The following RIMOC1 variants were observed in gnomAD, a reference collection of about 807,000 sequenced individuals.
RIMOC1 encodes the protein RAB7A-interacting MON1-CCZ1 complex subunit 1.
At chr5:41,909,328 A>G in the RIMOC1 span, among the ~76,000 whole-genome samples, 5 of 152,116 alleles carry the variant, frequency 3.3e-5, no homozygotes, top group Non-Finnish European at 7.4e-5. Context: ...CTGGCTCTGT[A>G]TTTGGGAACA....
the RIMOC1 span, among the ~76,000 whole-genome samples, chr5:41,914,495 CAAAA>C: frequency 7.1e-6 from 1 of 140,466 alleles, no homozygotes; most frequent in African/African-American, 2.7e-5. Flanking sequence ...CAAAACAAAA[CAAAA>C]CAAACATAAG....
At chr5:41,918,097 C>G in the RIMOC1 span, 1 of 985,666 alleles carries the variant, frequency 1.0e-6, no homozygotes, top group African/African-American at 1.7e-5. Flanking sequence ...GGCCAGAGAG[C>G]CTAACTTGAT....
the RIMOC1 span, among the ~76,000 whole-genome samples, chr5:41,915,652 A>T: frequency 6.6e-6 from 1 of 152,264 alleles, no homozygotes; most frequent in East Asian, 1.9e-4. Context: ...TGAAAGCGGA[A>T]ACCCCTTATA....
chr5:41,909,892 AG>A, the RIMOC1 span: 1 of 1,570,436 alleles, frequency 6.4e-7, no homozygotes, highest in Non-Finnish European at 8.7e-7. Context: ...TGCATCCAAA[AG>A]TAAGTTTTAC....
chr5:41,909,743 T>C, the RIMOC1 span: 16 of 1,503,340 alleles, frequency 1.1e-5, no homozygotes, highest in South Asian at 2.1e-4. Context: ...TTTTTTTTTT[T>C]AGGCTATTTT....
chr5:41,913,762 C>T, the RIMOC1 span, among the ~76,000 whole-genome samples: 1 of 152,106 alleles, frequency 6.6e-6, no homozygotes, highest in Non-Finnish European at 1.5e-5. Context: ...ATTTAAGTGA[C>T]CTGATGGCCA....
the RIMOC1 span, chr5:41,912,167 T>C: frequency 1.3e-6 from 2 of 1,594,838 alleles, no homozygotes; most frequent in South Asian, 2.2e-5. Context: ...TAGACACAGC[T>C]AAATTACTGA....
At chr5:41,916,370 C>G in the RIMOC1 span, 1 of 878,624 alleles carries the variant, frequency 1.1e-6, no homozygotes, top group Non-Finnish European at 1.4e-6. Context: ...TATATAATTG[C>G]CTACTGGAAA....
At chr5:41,906,083 A>G in the RIMOC1 span, among the ~76,000 whole-genome samples, 1 of 152,354 alleles carries the variant, frequency 6.6e-6, no homozygotes, top group African/African-American at 2.4e-5. Flanking sequence ...TGTAATGAGT[A>G]TATATTTATA....
chr5:41,919,969 A>T, the RIMOC1 span: 13 of 152,206 alleles, frequency 8.5e-5, no homozygotes, highest in Non-Finnish European at 1.3e-4. Context: ...TTAATGAGGC[A>T]TGATTCTAAA....
chr5:41,917,254 G>A, the RIMOC1 span: 25 of 1,611,952 alleles, frequency 1.6e-5, no homozygotes, highest in South Asian at 6.6e-5. Flanking sequence ...GGAATACAAC[G>A]AATGCAAAAC....
chr5:41,909,779 A>G, the RIMOC1 span: 4 of 1,579,182 alleles, frequency 2.5e-6, no homozygotes, highest in Non-Finnish European at 3.4e-6. Flanking sequence ...TGAGGAGAAC[A>G]AGCTAGTAGA....
chr5:41,912,269 A>G, the RIMOC1 span: 1 of 773,232 alleles, frequency 1.3e-6, no homozygotes, highest in South Asian at 1.6e-5. Context: ...TCTGATTTAA[A>G]TAAATGTCAA....
At chr5:41,904,681 T>C in the RIMOC1 span, among the ~76,000 whole-genome samples, 2 of 152,100 alleles carry the variant, frequency 1.3e-5, no homozygotes, top group Non-Finnish European at 2.9e-5. Context: ...GAAAACCGCA[T>C]TATTCAGAAC....
chr5:41,921,022 T>C, the RIMOC1 span: 3 of 152,638 alleles, frequency 2.0e-5, no homozygotes, highest in East Asian at 5.8e-4. Flanking sequence ...CTTTTAGACT[T>C]AGTTAAAGAC....
the RIMOC1 span, among the ~76,000 whole-genome samples, chr5:41,909,167 A>AAT: frequency 6.6e-6 from 1 of 152,166 alleles, no homozygotes; most frequent in African/African-American, 2.4e-5. Context: ...GTCTTAGTTC[A>AAT]ATAGATTAAA....
At chr5:41,917,119 G>A in the RIMOC1 span, 1 of 1,613,692 alleles carries the variant, frequency 6.2e-7, no homozygotes, top group Admixed American at 1.7e-5. Context: ...ATCATGAAGT[G>A]GATACTAGTG....
chr5:41,907,846 C>G, the RIMOC1 span: 2 of 1,576,824 alleles, frequency 1.3e-6, no homozygotes, highest in Admixed American at 3.5e-5. Flanking sequence ...CACACAGGTA[C>G]TGAAAGAGTG....
the RIMOC1 span, chr5:41,909,826 A>G: frequency 6.3e-7 from 1 of 1,595,126 alleles, no homozygotes. Context: ...CACAGAAAGT[A>G]AAAGAGCTGA....
Sources: gnomAD v4.1 joint callset for allele counts (sites outside exome capture counted in the v4.1 genomes callset) on GRCh38, gnomAD v4.1.1 for gene constraint, MANE v1.5 for transcripts, NCBI Gene and HGNC (gene_info 2026-07-23, HGNC 2026-07-21) for gene names.